SH2D4B: variants seen among roughly 807,000 people sequenced by gnomAD.
SH2D4B encodes the protein SH2 domain containing 4B.
Under a neutral mutation model 61.5 loss-of-function variants are expected in SH2D4B, and 45 were observed. That is an observed-to-expected ratio of 0.73 (90% CI 0.58 to 0.94). SH2D4B has a LOEUF of 0.94. Ranked by LOEUF, SH2D4B falls within the 40% of genes least tolerant of loss-of-function variation. The pLI is 0.00. For missense variants in SH2D4B, 572 were observed against 574.2 expected (o/e 1.00, Z 0.04); for synonymous variants, 224 against 220.4 (o/e 1.02, Z -0.14).
intron 4 of SH2D4B, among the ~76,000 whole-genome samples, chr10:80,589,069 T>A (rs1354289173): frequency 6.6e-6 from 1 of 151,948 alleles, no homozygotes; most frequent in Non-Finnish European, 1.5e-5. Flanking sequence ...AATGGTGCGA[T>A]CTCAGCTCAC....
At chr10:80,549,203 TTGTG>T (rs1554874982) in intron 1 of SH2D4B, among the ~76,000 whole-genome samples, 198 of 120,284 alleles carry the variant, frequency 1.6e-3, no homozygotes, top group Non-Finnish European at 2.8e-3. Flanking sequence ...TGGGACTTGA[TTGTG>T]TGTGTGTGTG....
chr10:80,619,934 A>C (rs1354734019), intron 6 of SH2D4B, among the ~76,000 whole-genome samples: 3 of 152,208 alleles, frequency 2.0e-5, no homozygotes, highest in Non-Finnish European at 4.4e-5. Context: ...TACCCTCCAC[A>C]TCAGGCTTCT....
At chr10:80,588,802 A>G in intron 4 of SH2D4B, 25 bp downstream of exon 4, 1 of 1,612,738 alleles carries the variant, frequency 6.2e-7, no homozygotes, top group South Asian at 1.1e-5. Flanking sequence ...TGCCTCAGGC[A>G]GGGAGACCAG....
intron 4 of SH2D4B, among the ~76,000 whole-genome samples, chr10:80,601,701 A>G (rs1428009296): frequency 1.3e-5 from 2 of 152,226 alleles, no homozygotes; most frequent in South Asian, 2.1e-4. Context: ...CAGATCTGGG[A>G]GATGTTCTGT....
chr10:80,622,322 C>A (rs570803572), intron 6 of SH2D4B, among the ~76,000 whole-genome samples: 1 of 152,156 alleles, frequency 6.6e-6, no homozygotes, highest in African/African-American at 2.4e-5. Flanking sequence ...TTGTTCTGCT[C>A]CTTACTTTTT....
At position 80,605,028 on chromosome 10, in the gene SH2D4B, T is replaced by C. The variant is rs371813791; in HGVS notation, c.860+1233T>C. On this transcript the variant is annotated intron_variant, in intron 5 of 7. Transcript: ENST00000646907. ...CAGGATGGTCTCGATTTCCTGACCT[T>C]GTGATCTGCCCACCTCGGCCTCCCA... is the stretch of plus-strand genomic sequence containing the variant. 6.2e-3 allele frequency among the ~76,000 whole-genome samples: 943 copies of C among 152,230 alleles called. 8 individuals carry two copies. The highest frequency in any genetic ancestry group is 0.017 in the Middle Eastern group (5 of 292).
intron 3 of SH2D4B, among the ~76,000 whole-genome samples, chr10:80,580,228 G>T (rs760308530): frequency 2.6e-5 from 4 of 152,194 alleles, no homozygotes; most frequent in Non-Finnish European, 5.9e-5. Flanking sequence ...TGACAGGCTG[G>T]GAAGCCCAGC....
chr10:80,558,947 G>A (rs2132110988), intron 1 of SH2D4B, among the ~76,000 whole-genome samples: 2 of 152,276 alleles, frequency 1.3e-5, no homozygotes, highest in East Asian at 3.9e-4. Flanking sequence ...GGAGCATGAA[G>A]ATTTATGCTT....
intron 7 of SH2D4B, among the ~76,000 whole-genome samples, chr10:80,640,585 A>G (rs187527386): frequency 6.6e-6 from 1 of 152,162 alleles, no homozygotes; most frequent in Non-Finnish European, 1.5e-5. Context: ...CAAATTGGCT[A>G]TTGAAGCTTG....
rs189121812 is a variant in SH2D4B at position 80,597,873 on chromosome 10, C to T, written c.644-5706C>T. Among the ~76,000 whole-genome samples, 91 of 152,040 alleles carry T rather than the reference C, an allele frequency of 6.0e-4. 1 individual carries two copies. The highest frequency in any genetic ancestry group is 2.8e-3 in the Admixed American group (43 of 15,270). ...ATCATTGTGTGCATAGGTCATGGCA[C>T]GTGTTGCAGTGTGGTGGCAGCCTGG... is the stretch of plus-strand genomic sequence containing the variant. On this transcript the variant is annotated intron_variant, in intron 4 of 7. Coordinates refer to ENST00000646907, the MANE Select transcript of SH2D4B (RefSeq NM_001388272.1).
intron 1 of SH2D4B, among the ~76,000 whole-genome samples, chr10:80,544,372 G>A (rs777703403): frequency 9.2e-5 from 14 of 152,168 alleles, no homozygotes; most frequent in African/African-American, 1.9e-4. Context: ...CGGATACACC[G>A]CTTTTAAGAG....
At chr10:80,637,638 A>G (rs1168355159) in intron 7 of SH2D4B, among the ~76,000 whole-genome samples, 1 of 152,226 alleles carries the variant, frequency 6.6e-6, no homozygotes, top group Non-Finnish European at 1.5e-5. Flanking sequence ...TTGATTTTGT[A>G]TCCTGAGACT....
At chr10:80,599,407 C>A (rs1842419867) in intron 4 of SH2D4B, among the ~76,000 whole-genome samples, 1 of 152,172 alleles carries the variant, frequency 6.6e-6, no homozygotes, top group African/African-American at 2.4e-5. Flanking sequence ...TGTTATAACT[C>A]AGAATAATGC....
intron 4 of SH2D4B, among the ~76,000 whole-genome samples, chr10:80,596,161 A>T (rs1286782045): frequency 6.6e-6 from 1 of 152,258 alleles, no homozygotes; most frequent in Non-Finnish European, 1.5e-5. Context: ...GCAAGCTCCT[A>T]GGCGATGCCT....
Position 80,603,614 on chromosome 10 carries a change from C to A in SH2D4B, c.679C>A (p.Arg227Ser). Residue 227 changes from arginine to serine, a missense_variant, in exon 5 of 8, where the codon CGC becomes AGC. Coordinates refer to ENST00000646907, the MANE Select transcript of SH2D4B (RefSeq NM_001388272.1). ...CAAGGCGGCTGATGAGGAGAGGAGC[C>A]GCCGAGCCCAGCGCGCCCGGGACGA... ...RSKAADEERS[R>S]RAQRARDEYR... The A allele has an allele frequency of 6.3e-7, 1 of 1,577,122 alleles. No individual in the cohort carries two copies.
chr10:80,579,772 C>G (rs369208388), intron 3 of SH2D4B, among the ~76,000 whole-genome samples: 3 of 151,934 alleles, frequency 2.0e-5, no homozygotes, highest in African/African-American at 7.3e-5. Flanking sequence ...GAAACGATTA[C>G]TGCTTTATTT....
intron 1 of SH2D4B, among the ~76,000 whole-genome samples, chr10:80,560,949 C>T (rs147520397): frequency 6.6e-6 from 1 of 152,194 alleles, no homozygotes; most frequent in African/African-American, 2.4e-5. Flanking sequence ...TTTTCACCAT[C>T]ACACACTCTC....
chr10:80,562,867 G>A (rs1175783383), intron 1 of SH2D4B, among the ~76,000 whole-genome samples: 1 of 143,998 alleles, frequency 6.9e-6, no homozygotes, highest in Non-Finnish European at 1.5e-5. Context: ...GCATTTCTCT[G>A]ATGACCTATG....
At chr10:80,566,809 A>G (rs1841974916) in intron 1 of SH2D4B, among the ~76,000 whole-genome samples, 1 of 152,006 alleles carries the variant, frequency 6.6e-6, no homozygotes, top group Non-Finnish European at 1.5e-5. Context: ...TCCTCTTATC[A>G]TTTATTTTTA....
Sources: gnomAD v4.1 joint callset for allele counts (sites outside exome capture counted in the v4.1 genomes callset) on GRCh38, gnomAD v4.1.1 for gene constraint, MANE v1.5 for transcripts, NCBI Gene and HGNC (gene_info 2026-07-23, HGNC 2026-07-21) for gene names.